The following PRKCA variants were observed in gnomAD, a reference collection of about 807,000 sequenced individuals.
PRKCA encodes the protein protein kinase C alpha type.
A neutral mutation model predicts 87.0 loss-of-function variants in PRKCA; 27 were observed. That is an observed-to-expected ratio of 0.31 (90% confidence interval 0.23 to 0.43). PRKCA has a LOEUF of 0.43. Among genes scored for constraint, PRKCA ranks in the 20% least tolerant of loss-of-function variants. PRKCA has a pLI of 1.00. For synonymous variants in PRKCA, 329 were observed against 311.1 expected (o/e 1.06, Z -0.61); for missense variants, 518 against 852.3 (o/e 0.61, Z 4.88).
At chr17:66,533,868 G>A (rs996776352) in intron 3 of PRKCA, among the ~76,000 whole-genome samples, 3 of 152,160 alleles carry the variant, frequency 2.0e-5, no homozygotes, top group African/African-American at 7.2e-5. Flanking sequence ...CGGCTTCTCA[G>A]GCATTTAAAC....
intron 3 of PRKCA, among the ~76,000 whole-genome samples, chr17:66,510,540 G>C (rs1171918325): frequency 6.6e-6 from 1 of 152,172 alleles, no homozygotes; most frequent in Non-Finnish European, 1.5e-5. Context: ...CAATTCAAAA[G>C]GGAGAAATGG....
intron 14 of PRKCA, among the ~76,000 whole-genome samples, chr17:66,783,715 T>C (rs981846488): frequency 1.3e-5 from 2 of 152,238 alleles, no homozygotes; most frequent in African/African-American, 4.8e-5. Flanking sequence ...CTCACTACCC[T>C]ACTCAAGACA....
intron 2 of PRKCA, among the ~76,000 whole-genome samples, chr17:66,313,155 C>T (rs994930584): frequency 1.3e-5 from 2 of 152,026 alleles, no homozygotes; most frequent in East Asian, 3.9e-4. Flanking sequence ...TAATGTGGTG[C>T]CTGACACTCA....
chr17:66,330,423 A>C (rs990419176), intron 2 of PRKCA, among the ~76,000 whole-genome samples: 2 of 152,068 alleles, frequency 1.3e-5, no homozygotes, highest in Non-Finnish European at 2.9e-5. Context: ...GATAATATTG[A>C]TATGTGACTC....
intron 2 of PRKCA, among the ~76,000 whole-genome samples, chr17:66,349,916 C>G (rs749968229): frequency 6.6e-6 from 1 of 152,040 alleles, no homozygotes; most frequent in African/African-American, 2.4e-5. Context: ...TTTTAGGCCA[C>G]CATTCCCTTA....
chr17:66,791,540 TCTGGTTC>T (rs1286414507), intron 16 of PRKCA, among the ~76,000 whole-genome samples: 1 of 152,154 alleles, frequency 6.6e-6, no homozygotes, highest in Non-Finnish European at 1.5e-5. Flanking sequence ...TGGGGCAAGC[TCTGGTTC>T]CTGGAAGGGC....
At chr17:66,652,157 C>T (rs1385429851) in intron 5 of PRKCA, among the ~76,000 whole-genome samples, 1 of 152,102 alleles carries the variant, frequency 6.6e-6, no homozygotes, top group East Asian at 1.9e-4. Flanking sequence ...CAAGGTTCCA[C>T]CATGTTAGCT....
At chr17:66,662,510 C>T (rs1413945436) in intron 5 of PRKCA, among the ~76,000 whole-genome samples, 2 of 152,102 alleles carry the variant, frequency 1.3e-5, no homozygotes, top group Non-Finnish European at 2.9e-5. Flanking sequence ...GATACTCGGC[C>T]CCCAGTCATT....
chr17:66,575,739 G>A (rs768555862), intron 3 of PRKCA, among the ~76,000 whole-genome samples: 10 of 152,164 alleles, frequency 6.6e-5, no homozygotes, highest in Non-Finnish European at 1.2e-4. Context: ...CTTGAATGGA[G>A]TAACACCTGA....
intron 3 of PRKCA, among the ~76,000 whole-genome samples, chr17:66,596,569 AC>A (rs1388028061): frequency 2.8e-5 from 3 of 108,440 alleles, no homozygotes; most frequent in African/African-American, 4.0e-5. Context: ...AAAATATTAA[AC>A]CTTTTTTTTT....
chr17:66,780,772 G>A lies in PRKCA; in HGVS notation c.1606-6095G>A, dbSNP rs372842172. On this transcript the variant is annotated intron_variant, in intron 14 of 16. Coordinates refer to ENST00000413366, the MANE Select transcript of PRKCA (RefSeq NM_002737.3). ...TAAAGGGAATGGGGATGCTTTTTTC[G>A]TAGACTTCCCTTCCACACCATATTA... 5.3e-5 allele frequency among the ~76,000 whole-genome samples: 8 copies of A among 152,062 alleles called. No individual in the cohort carries two copies. The East Asian group carries it at 7.8e-4, about 15-fold the overall frequency.
intron 3 of PRKCA, among the ~76,000 whole-genome samples, chr17:66,557,539 A>T (rs2143272116): frequency 6.6e-6 from 1 of 152,344 alleles, no homozygotes; most frequent in Middle Eastern, 3.4e-3. Context: ...GAATGAATAA[A>T]TTCAACATAA....
intron 3 of PRKCA, among the ~76,000 whole-genome samples, chr17:66,595,610 C>A (rs1429410861): frequency 1.3e-5 from 2 of 152,010 alleles, no homozygotes; most frequent in African/African-American, 2.4e-5. Context: ...CAGGTGCCCG[C>A]CATCAAGCCC....
At chr17:66,367,226 T>C (rs992276890) in intron 2 of PRKCA, among the ~76,000 whole-genome samples, 1 of 152,216 alleles carries the variant, frequency 6.6e-6, no homozygotes, top group African/African-American at 2.4e-5. Context: ...TTTGTGGAAG[T>C]TGATGTTAGG....
chr17:66,451,241 C>T (rs557874812), intron 2 of PRKCA, among the ~76,000 whole-genome samples: 2 of 152,290 alleles, frequency 1.3e-5, no homozygotes, highest in Admixed American at 1.3e-4. Flanking sequence ...AAAACTTAAA[C>T]TGTGCCTTTT....
chr17:66,768,380 C>T (rs1455936555), intron 13 of PRKCA, among the ~76,000 whole-genome samples: 1 of 152,064 alleles, frequency 6.6e-6, no homozygotes, highest in African/African-American at 2.4e-5. Flanking sequence ...AGCCACTGTG[C>T]CTTTCCCCTA....
intron 2 of PRKCA, among the ~76,000 whole-genome samples, chr17:66,352,567 T>G (rs1157634003): frequency 1.5e-5 from 2 of 134,600 alleles, no homozygotes; most frequent in African/African-American, 5.4e-5. Flanking sequence ...GGTTTTTTTT[T>G]TTTTTTTTTT....
At position 66,809,442 on chromosome 17, in the gene PRKCA, G is replaced by T. The variant is rs372043727; in HGVS notation, c.*5405G>T. The T allele has an allele frequency of 6.6e-6, 1 of 152,540 alleles. No individual in the cohort carries two copies. The highest frequency in any genetic ancestry group is 2.4e-5 in the African/African-American group (1 of 41,434). The allele number at this position is 152,540 out of a possible 1,614,324, so 9.4% of individuals were successfully genotyped here. ...GAAATTATTTGTTAATTCCAGTAGA[G>T]CAACTGAATATACTGGGCTATTTGT... On this transcript the variant is annotated 3_prime_UTR_variant, in exon 17 of 17. Coordinates refer to ENST00000413366, the MANE Select transcript of PRKCA (RefSeq NM_002737.3).
At chr17:66,776,615 A>C (rs1379724020) in intron 14 of PRKCA, among the ~76,000 whole-genome samples, 2 of 152,046 alleles carry the variant, frequency 1.3e-5, no homozygotes, top group Non-Finnish European at 2.9e-5. Flanking sequence ...GCCTAAGACA[A>C]GTTTTAGAGA....
Sources: allele counts gnomAD v4.1 joint callset (sites outside exome capture counted in the v4.1 genomes callset), GRCh38; gene constraint gnomAD v4.1.1; transcripts MANE v1.5; gene names NCBI Gene and HGNC (gene_info 2026-07-23, HGNC 2026-07-21).